Variants in MYO5A observed in about 807,000 individuals in gnomAD.
MYO5A encodes myosin VA.
Under a neutral mutation model 249.7 loss-of-function variants are expected in MYO5A, and 98 were observed. The observed-to-expected ratio is 0.39, with a 90% CI of 0.33 to 0.46. MYO5A has a LOEUF of 0.46. Ranked by LOEUF, MYO5A falls within the 20% of genes least tolerant of loss-of-function variation. MYO5A has a pLI of 0.98. For synonymous variants in MYO5A, 778 were observed against 810.6 expected, an observed-to-expected ratio of 0.96 and a Z score of 0.68; for missense variants, 1,696 against 2,308.8, an observed-to-expected ratio of 0.73 and a Z score of 5.44.
intron 27 of MYO5A, among the ~76,000 whole-genome samples, chr15:52,353,245 C>A (rs1282378232): frequency 6.6e-6 from 1 of 152,150 alleles, no homozygotes; most frequent in Non-Finnish European, 1.5e-5. Context: ...TGTTTTTATT[C>A]ATTCATTATT....
At chr15:52,357,310 A>G (rs967445537) in intron 25 of MYO5A, among the ~76,000 whole-genome samples, 18 of 152,116 alleles carry the variant, frequency 1.2e-4, no homozygotes, top group Non-Finnish European at 1.9e-4. Flanking sequence ...AGAACCTTTC[A>G]TTCTAGAAAT....
At chr15:52,390,136 C>A (rs1317889505) in intron 12 of MYO5A, among the ~76,000 whole-genome samples, 1 of 152,024 alleles carries the variant, frequency 6.6e-6, no homozygotes, top group Non-Finnish European at 1.5e-5. Flanking sequence ...TTACCAGAGG[C>A]TAGGAAGGGT....
intron 37 of MYO5A, 134 bp from the exon 38 acceptor site, chr15:52,321,643 G>A: frequency 1.0e-6 from 1 of 957,716 alleles, no homozygotes; most frequent in Non-Finnish European, 1.7e-6. Context: ...TGCCAGGACT[G>A]ACATTCTCAA....
rs569982684 is a variant in MYO5A, at chr15:52,434,686, G to T, written c.28-1401C>A. 4.3e-4 allele frequency among the ~76,000 whole-genome samples: 65 copies of T among 152,274 alleles called. 1 individual carries two copies. The South Asian group carries it at 0.013, about 31-fold the overall frequency. ...ATATACTAACATGCACAAATCTTTCGAATACCACATTGAAGAAGTGTTTTT... is the reference window on the plus strand; with the variant it reads ...ATATACTAACATGCACAAATCTTTCTAATACCACATTGAAGAAGTGTTTTT... On this transcript the variant is annotated intron_variant, in intron 1 of 41. Coordinates refer to ENST00000399233, the MANE Select transcript of MYO5A (RefSeq NM_001382347.1).
At chr15:52,401,818 C>A (rs1002853353) in intron 9 of MYO5A, among the ~76,000 whole-genome samples, 3 of 152,202 alleles carry the variant, frequency 2.0e-5, no homozygotes, top group African/African-American at 7.2e-5. Flanking sequence ...TATCCTTCTT[C>A]TCTCTTAACT....
chr15:52,342,211 C>T (rs952426740), intron 31 of MYO5A, among the ~76,000 whole-genome samples: 5 of 151,956 alleles, frequency 3.3e-5, no homozygotes, highest in African/African-American at 1.2e-4. Flanking sequence ...AAAAAATTAG[C>T]TGAGTGTGGT....
intron 31 of MYO5A, 43 bp from the exon 32 acceptor site, chr15:52,340,437 G>C (rs376630360): frequency 1.3e-6 from 2 of 1,575,118 alleles, no homozygotes; most frequent in African/African-American, 1.3e-5. Context: ...ACGACACCCC[G>C]AGTTGCTGCC....
intron 24 of MYO5A, among the ~76,000 whole-genome samples, chr15:52,360,680 G>T (rs2040475587): frequency 1.3e-5 from 2 of 152,112 alleles, no homozygotes; most frequent in Admixed American, 6.5e-5. Context: ...AGAGCCCTCG[G>T]TTATTACCTC....
intron 1 of MYO5A, among the ~76,000 whole-genome samples, chr15:52,523,473 G>T (rs1380058698): frequency 6.6e-6 from 1 of 152,170 alleles, no homozygotes; most frequent in Non-Finnish European, 1.5e-5. Context: ...GCTATTCTGT[G>T]TAACACTGGG....
chr15:52,361,621 A>T (rs896156791), intron 24 of MYO5A, among the ~76,000 whole-genome samples: 2 of 152,194 alleles, frequency 1.3e-5, no homozygotes, highest in African/African-American at 4.8e-5. Flanking sequence ...CTGTGTGAGG[A>T]TTAAATAAGA....
At chr15:52,457,630 G>A (rs371962883) in intron 1 of MYO5A, among the ~76,000 whole-genome samples, 1 of 152,130 alleles carries the variant, frequency 6.6e-6, no homozygotes. Flanking sequence ...TGAGGATGTG[G>A]AGAAAAGGAA....
intron 24 of MYO5A, among the ~76,000 whole-genome samples, chr15:52,363,796 G>T (rs1475891253): frequency 1.3e-5 from 2 of 152,108 alleles, no homozygotes; most frequent in Non-Finnish European, 2.9e-5. Flanking sequence ...AAGTATGAAA[G>T]GTACATTGGC....
intron 1 of MYO5A, among the ~76,000 whole-genome samples, chr15:52,435,156 A>G (rs898658267): frequency 1.3e-5 from 2 of 152,238 alleles, no homozygotes; most frequent in Admixed American, 6.5e-5. Flanking sequence ...GAGAAAGCGA[A>G]AAGAAAGTGG....
chr15:52,485,748 T>TAACTTG lies in MYO5A; in HGVS notation c.27+43026_27+43031dup, dbSNP rs537770031. 6.0e-4 allele frequency among the ~76,000 whole-genome samples: 91 copies of TAACTTG among 152,238 alleles called. No individual in the cohort carries two copies. In the East Asian group the frequency reaches 0.017, roughly 28 times the overall value. The stretch of plus-strand genomic sequence containing the variant: ...ACACTTTTGGTAGAAAAAGCCTCAA[T>TAACTTG]AACTTGAACAGAAACGACAAGAATA... On this transcript the variant is annotated intron_variant, in intron 1 of 41. Transcript: ENST00000399233.
At chr15:52,476,212 C>T (rs1277400082) in intron 1 of MYO5A, among the ~76,000 whole-genome samples, 2 of 152,206 alleles carry the variant, frequency 1.3e-5, no homozygotes, top group Non-Finnish European at 1.5e-5. Flanking sequence ...AGGATTGCAA[C>T]CCCTGCCTTT....
rs142433228 is a variant in MYO5A, at chr15:52,397,041, C to T, written c.1319+160G>A. On this transcript the variant is annotated intron_variant, in intron 10 of 41. Transcript: ENST00000399233. ...TGTTTTAGTTAAATTTTAAGCAACA[C>T]GCAATTGCATCACCATCATCAAGGT... 5.4e-4 allele frequency among the ~76,000 whole-genome samples: 82 copies of T among 152,170 alleles called. 1 individual carries two copies. In the East Asian group the frequency reaches 7.3e-3, roughly 14 times the overall value.
rs753523102 is a variant in MYO5A at position 52,313,451 on chromosome 15, T to C, written c.*245A>G. The C allele has an allele frequency of 2.0e-6, 1 of 503,996 alleles. No individual in the cohort carries two copies. The highest frequency in any genetic ancestry group is 3.6e-6 in the Non-Finnish European group (1 of 279,414). 31.2% of individuals were successfully genotyped at this position (503,996 alleles called of 1,614,324 possible). On this transcript the variant is annotated 3_prime_UTR_variant, in exon 42 of 42. Coordinates refer to ENST00000399233, the MANE Select transcript of MYO5A (RefSeq NM_001382347.1). ...CCCTTCCTTCCATCATTCTCCTGTA[T>C]GTAAACTCACGGTACCTAGTTGGTT...
intron 39 of MYO5A, among the ~76,000 whole-genome samples, chr15:52,318,276 T>C (rs1205060231): frequency 6.6e-6 from 1 of 151,760 alleles, no homozygotes; most frequent in Non-Finnish European, 1.5e-5. Context: ...GCCAACATGG[T>C]GAAACCCTGT....
chr15:52,389,448 T>G (rs1000280512), intron 12 of MYO5A, 85 bp from the exon 13 acceptor site: 3 of 795,894 alleles, frequency 3.8e-6, no homozygotes, highest in East Asian at 6.0e-5. Flanking sequence ...GATCTTTTAT[T>G]TTTTTTTTTT....
Sources: allele counts gnomAD v4.1 joint callset (sites outside exome capture counted in the v4.1 genomes callset), GRCh38; gene constraint gnomAD v4.1.1; transcripts MANE v1.5; gene names NCBI Gene and HGNC (gene_info 2026-07-23, HGNC 2026-07-21).